Variants in PLCB1 observed in about 807,000 individuals in gnomAD.
PLCB1 encodes the protein 1-phosphatidylinositol 4,5-bisphosphate phosphodiesterase beta-1.
Under a neutral mutation model 161.8 loss-of-function variants are expected in PLCB1, and 46 were observed. The observed-to-expected ratio is 0.28, with a 90% CI of 0.22 to 0.36. The LOEUF is 0.36. PLCB1 is among the 10% of genes least tolerant of loss of function. The pLI is 1.00. For synonymous variants in PLCB1, 517 were observed against 503.7 expected (o/e 1.03, Z -0.35); for missense variants, 1,016 against 1,472.5 (o/e 0.69, Z 5.07).
At chr20:8,329,355 T>C (rs1985279664) in intron 2 of PLCB1, among the ~76,000 whole-genome samples, 1 of 151,090 alleles carries the variant, frequency 6.6e-6, no homozygotes, top group African/African-American at 2.4e-5. Flanking sequence ...AGTCTTGCTG[T>C]GTCACCCAGT....
chr20:8,419,574 G>T (rs943773807), intron 3 of PLCB1, among the ~76,000 whole-genome samples: 1 of 152,180 alleles, frequency 6.6e-6, no homozygotes, highest in African/African-American at 2.4e-5. Flanking sequence ...TAGGCTTTGT[G>T]TTAGATAATT....
At chr20:8,740,598 G>C (rs1006642204) in intron 22 of PLCB1, 150 bp downstream of exon 22, 1 of 500,684 alleles carries the variant, frequency 2.0e-6, no homozygotes, top group Non-Finnish European at 3.5e-6. Flanking sequence ...TGTATGTTTA[G>C]AGGTAAATTG....
intron 9 of PLCB1, among the ~76,000 whole-genome samples, chr20:8,674,509 C>A (rs564086302): frequency 6.6e-6 from 1 of 152,294 alleles, no homozygotes; most frequent in Non-Finnish European, 1.5e-5. Context: ...ATTGACCATC[C>A]TTTTCATAAC....
At chr20:8,561,608 A>T (rs1156321709) in intron 3 of PLCB1, among the ~76,000 whole-genome samples, 2 of 152,032 alleles carry the variant, frequency 1.3e-5, no homozygotes, top group Non-Finnish European at 2.9e-5. Context: ...AGGGTTTGTG[A>T]TGTTTTTAAT....
At chr20:8,480,106 AT>A (rs1810522679) in intron 3 of PLCB1, among the ~76,000 whole-genome samples, 1 of 152,164 alleles carries the variant, frequency 6.6e-6, no homozygotes, top group Admixed American at 6.5e-5. Flanking sequence ...AATAGTTCAG[AT>A]TACTTCAGAG....
intron 3 of PLCB1, among the ~76,000 whole-genome samples, chr20:8,582,536 T>C (rs1174154465): frequency 2.6e-5 from 4 of 152,150 alleles, no homozygotes; most frequent in Non-Finnish European, 4.4e-5. Flanking sequence ...CTTCCCTTAT[T>C]CCCTCATCTG....
chr20:8,267,783 G>A (rs980858747), intron 2 of PLCB1, among the ~76,000 whole-genome samples: 15 of 152,126 alleles, frequency 9.9e-5, no homozygotes, highest in Middle Eastern at 3.4e-3. Context: ...TTGCCTATTG[G>A]TTACTTGGTT....
intron 2 of PLCB1, among the ~76,000 whole-genome samples, chr20:8,159,506 A>G (rs1286611207): frequency 6.6e-6 from 1 of 152,136 alleles, no homozygotes; most frequent in Non-Finnish European, 1.5e-5. Flanking sequence ...GAGGATTAAC[A>G]TTTGGCTTCT....
intron 3 of PLCB1, among the ~76,000 whole-genome samples, chr20:8,416,640 G>A (rs1160866965): frequency 6.6e-6 from 1 of 152,068 alleles, no homozygotes; most frequent in African/African-American, 2.4e-5. Context: ...TAGATATTGA[G>A]GAGGAGGTAT....
intron 3 of PLCB1, among the ~76,000 whole-genome samples, chr20:8,619,662 T>C (rs1337531121): frequency 6.6e-6 from 1 of 152,120 alleles, no homozygotes; most frequent in Non-Finnish European, 1.5e-5. Flanking sequence ...AGTTGCCTAA[T>C]TTACAAAGCT....
intron 2 of PLCB1, among the ~76,000 whole-genome samples, chr20:8,277,586 AC>A (rs1400391323): frequency 1.3e-5 from 2 of 152,122 alleles, no homozygotes; most frequent in African/African-American, 4.8e-5. Context: ...TCAGACTCCA[AC>A]CCCAACCCAG....
chr20:8,504,460 CAA>C (rs1417317144), intron 3 of PLCB1, among the ~76,000 whole-genome samples: 1 of 152,120 alleles, frequency 6.6e-6, no homozygotes, highest in Non-Finnish European at 1.5e-5. Context: ...AAATATAAAT[CAA>C]GAGTGGAATT....
At chr20:8,196,183 G>A (rs549205799) in intron 2 of PLCB1, among the ~76,000 whole-genome samples, 27 of 152,208 alleles carry the variant, frequency 1.8e-4, no homozygotes, top group African/African-American at 6.3e-4. Context: ...TCTGGATGGG[G>A]ACACAGAACC....
At chr20:8,236,731 A>G (rs1980347922) in intron 2 of PLCB1, among the ~76,000 whole-genome samples, 4 of 152,088 alleles carry the variant, frequency 2.6e-5, no homozygotes, top group Admixed American at 2.6e-4. Flanking sequence ...TTTGCAAAAT[A>G]GATGACATTT....
intron 3 of PLCB1, among the ~76,000 whole-genome samples, chr20:8,476,682 A>T (rs1451092644): frequency 2.6e-5 from 4 of 152,124 alleles, no homozygotes; most frequent in Admixed American, 2.0e-4. Flanking sequence ...TGAGTCTGGG[A>T]TAGGGATTGA....
In PLCB1 at chr20:8,657,260, A is replaced by T; in HGVS notation, c.671A>T (p.Glu224Val). Reference sequence around the variant, plus strand: ...CTCAACAACCTTTGCCCTCGACCTGAAATTGATAACATCTTTTCAGAATTG... The same window carrying T: ...CTCAACAACCTTTGCCCTCGACCTGTAATTGATAACATCTTTTCAGAATTG... Reference protein sequence around the residue: ...VFLNNLCPRPEIDNIFSEFGA... With the variant: ...VFLNNLCPRPVIDNIFSEFGA... Residue 224 changes from glutamate (E) to valine (V), a missense_variant, in exon 8 of 32, where the codon GAA (glutamate) becomes GTA (valine). By Grantham distance (121) the Glu-to-Val change is moderately radical. Coordinates refer to ENST00000338037, the MANE Select transcript of PLCB1 (RefSeq NM_015192.4). 6.2e-7 allele frequency: 1 copy of T among 1,601,488 alleles called. No individual in the cohort carries two copies. The highest frequency in any genetic ancestry group is 8.6e-7 in the Non-Finnish European group (1 of 1,168,778).
At chr20:8,689,519 T>C (rs1990427317) in intron 10 of PLCB1, among the ~76,000 whole-genome samples, 2 of 152,170 alleles carry the variant, frequency 1.3e-5, no homozygotes, top group Admixed American at 1.3e-4. Flanking sequence ...GTGTGTCCCT[T>C]GTATGCCAAT....
intron 3 of PLCB1, among the ~76,000 whole-genome samples, chr20:8,616,149 C>T (rs191109018): frequency 6.6e-6 from 1 of 152,272 alleles, no homozygotes; most frequent in Admixed American, 6.5e-5. Context: ...CACATTCCAT[C>T]CTTCCCCCGT....
chr20:8,555,091 C>T (rs1013273130), intron 3 of PLCB1, among the ~76,000 whole-genome samples: 1 of 151,966 alleles, frequency 6.6e-6, no homozygotes, highest in Non-Finnish European at 1.5e-5. Flanking sequence ...GCTTGGTTGC[C>T]TTAAGCCTTT....
Sources: allele counts gnomAD v4.1 joint callset (sites outside exome capture counted in the v4.1 genomes callset), GRCh38; gene constraint gnomAD v4.1.1; transcripts MANE v1.5; gene names NCBI Gene and HGNC (gene_info 2026-07-23, HGNC 2026-07-21).